Variants in CCDC138 observed in about 807,000 individuals in gnomAD.
CCDC138 encodes coiled-coil domain-containing protein 138.
In CCDC138, 66 loss-of-function variants were observed where a neutral mutation model predicts 82.3. The ratio of observed to expected loss-of-function variants is 0.80; its 90% CI spans 0.66 to 0.98. CCDC138 has a LOEUF of 0.98. Among genes scored for constraint, CCDC138 ranks in the 50% least tolerant of loss-of-function variants. The probability of loss-of-function intolerance (pLI) is 0.00; values close to 1 mark genes in which losing one functional copy is unlikely to be tolerated. For synonymous variants in CCDC138, 297 were observed against 265.4 expected (o/e 1.12, Z -1.16); for missense variants, 816 against 758.9 (o/e 1.08, Z -0.88).
chr2:108,863,019 A>G (rs1041763602), intron 13 of CCDC138, among the ~76,000 whole-genome samples: 7 of 152,214 alleles, frequency 4.6e-5, no homozygotes, highest in Non-Finnish European at 1.0e-4. Flanking sequence ...AACTTGTTCT[A>G]CACATCTAGA....
At chr2:108,788,335 G>A (rs866566329) in intron 2 of CCDC138, among the ~76,000 whole-genome samples, 2 of 151,990 alleles carry the variant, frequency 1.3e-5, no homozygotes, top group African/African-American at 4.8e-5. Flanking sequence ...CAGGAGAATC[G>A]GTTGAACCCG....
intron 13 of CCDC138, among the ~76,000 whole-genome samples, chr2:108,872,205 C>A (rs964955524): frequency 6.6e-6 from 1 of 152,154 alleles, no homozygotes; most frequent in Non-Finnish European, 1.5e-5. Context: ...AGAGTCTGAT[C>A]ATTTTCTCTT....
At chr2:108,849,618 A>G (rs777411064) in intron 12 of CCDC138, among the ~76,000 whole-genome samples, 1 of 152,172 alleles carries the variant, frequency 6.6e-6, no homozygotes, top group Non-Finnish European at 1.5e-5. Flanking sequence ...TTCCTGCCTA[A>G]CAGATACCCT....
At chr2:108,872,007 G>A (rs1202375888) in intron 13 of CCDC138, among the ~76,000 whole-genome samples, 1 of 151,968 alleles carries the variant, frequency 6.6e-6, no homozygotes. Flanking sequence ...TCTCTCACAC[G>A]TACTTTGCCC....
At position 108,866,640 on chromosome 2, in the gene CCDC138, T is replaced by A. The variant is rs532590935; in HGVS notation, c.1694-6811T>A. Among the ~76,000 whole-genome samples the A allele has an allele frequency of 2.0e-5, 3 of 152,272 alleles. No individual in the cohort carries two copies. The East Asian group carries it at 5.8e-4, about 29-fold the overall frequency. ...TGGCTCATGCCTGTAATCCCAGCAC[T>A]TTGGGAGGCTGAGGCAGGTGGATCA... On this transcript the variant is annotated intron_variant, in intron 13 of 14. Transcript: ENST00000295124.
chr2:108,848,707 A>G (rs1690910957), intron 12 of CCDC138, among the ~76,000 whole-genome samples: 1 of 152,224 alleles, frequency 6.6e-6, no homozygotes, highest in Admixed American at 6.5e-5. Flanking sequence ...AAACAGCAAC[A>G]CTGGGGCAGA....
chr2:108,818,911 T>G (rs940991759), intron 10 of CCDC138, among the ~76,000 whole-genome samples: 7 of 152,146 alleles, frequency 4.6e-5, no homozygotes, highest in African/African-American at 1.7e-4. Context: ...AGGAGTAAAT[T>G]TGATATACTG....
At chr2:108,804,227 G>A (rs1252729124) in intron 6 of CCDC138, among the ~76,000 whole-genome samples, 1 of 152,128 alleles carries the variant, frequency 6.6e-6, no homozygotes, top group Non-Finnish European at 1.5e-5. Context: ...TAAGTAAGTT[G>A]AAAGTGAAAG....
rs372585416 is a variant in CCDC138, at chr2:108,812,783, C to T, written c.934-37C>T. The T allele has an allele frequency of 2.2e-5, 36 of 1,611,376 alleles. No homozygotes were observed. The African/African-American group carries it at 3.7e-4, about 17-fold the overall frequency. On this transcript the variant is annotated intron_variant, in intron 8 of 14. Coordinates refer to ENST00000295124, the MANE Select transcript of CCDC138 (RefSeq NM_144978.3). The stretch of plus-strand genomic sequence containing the variant: ...ACCTTTGAGTTTACTCATTTAGATA[C>T]AATTGTTCTTTAATTCACGCATATA...
At chr2:108,877,843 A>G (rs1168201764), downstream of CCDC138, among the ~76,000 whole-genome samples, 2 of 152,246 alleles carry the variant, frequency 1.3e-5, no homozygotes, top group Non-Finnish European at 2.9e-5. Context: ...TCCTGGCCAA[A>G]TGGTAAGTTA....
downstream of CCDC138, among the ~76,000 whole-genome samples, chr2:108,876,797 A>G (rs183736676): frequency 6.6e-6 from 1 of 152,274 alleles, no homozygotes; most frequent in Admixed American, 6.5e-5. Context: ...TTTTGTTTTC[A>G]AAATAATTAT....
intron 14 of CCDC138, 40 bp downstream of exon 14, chr2:108,873,629 A>G (rs769176620): frequency 4.3e-5 from 61 of 1,418,200 alleles, no homozygotes; most frequent in Non-Finnish European, 5.8e-5. Flanking sequence ...ATTGAAAAAT[A>G]CCTTACTGTG....
chr2:108,846,907 T>C lies in CCDC138; in HGVS notation c.1493T>C (p.Ile498Thr). The C allele has an allele frequency of 2.5e-6, 4 of 1,608,636 alleles. No individual in the cohort carries two copies. The highest frequency in any genetic ancestry group is 3.4e-6 in the Non-Finnish European group (4 of 1,176,064). The change falls in exon 12 of 15, where the codon ATT becomes ACT. Residue 498 changes from isoleucine (I) to threonine (T), a missense_variant. Transcript: ENST00000295124. ...CCATTGAGATTTTTATCAACCTTAA[T>C]TGTTCTCAAAACAGTCACTCAAGGT... is the stretch of plus-strand genomic sequence containing the variant. The part of the protein sequence containing the change: ...NLPLRFLSTL[I>T]VLKTVTQADY...
intron 13 of CCDC138, among the ~76,000 whole-genome samples, chr2:108,860,935 C>CTT (rs70956282): frequency 0.041 from 1,549 of 37,796 alleles, 235 homozygotes; most frequent in African/African-American, 0.11. Context: ...TGGTCCAGGA[C>CTT]TTTTTTTTTT....
intron 13 of CCDC138, among the ~76,000 whole-genome samples, chr2:108,871,254 C>T (rs1468345029): frequency 6.6e-6 from 1 of 151,334 alleles, no homozygotes; most frequent in East Asian, 1.9e-4. Flanking sequence ...AGTTCCTAGC[C>T]AGGTGTGGTG....
rs1678854873 is a variant in CCDC138 at position 108,786,840 on chromosome 2, C to T, written c.18C>T (p.Val6=). ...TGTGTGCTATGGAGCCGAGGGTCGT[C>T]AAGCCACCGGGGCAGGATTTAGTAG... The part of the protein sequence containing the change: MEPRV[V]KPPGQDLVVE... Residue 6 remains valine, a synonymous_variant, in exon 1 of 15, where the codon GTC becomes GTT. Transcript: ENST00000295124. 3.1e-6 allele frequency: 5 copies of T among 1,592,508 alleles called. No homozygotes were observed. The East Asian group carries it at 6.9e-5, about 22-fold the overall frequency.
chr2:108,863,582 C>T (rs145643192), intron 13 of CCDC138, among the ~76,000 whole-genome samples: 1,605 of 152,250 alleles, frequency 0.011, 27 homozygotes, highest in African/African-American at 0.037. Flanking sequence ...ACTCCTAGAT[C>T]TTTTTCTTTC....
intron 6 of CCDC138, among the ~76,000 whole-genome samples, chr2:108,804,589 C>T (rs1682522918): frequency 6.6e-6 from 1 of 152,028 alleles, no homozygotes; most frequent in African/African-American, 2.4e-5. Context: ...AAAATATTTC[C>T]ATGAGTTTGT....
chr2:108,818,589 C>T (rs1685159275), intron 10 of CCDC138, among the ~76,000 whole-genome samples: 2 of 152,008 alleles, frequency 1.3e-5, no homozygotes, highest in South Asian at 4.1e-4. Flanking sequence ...TAAGTAGTAC[C>T]AGATTAACTA....
Sources: gnomAD v4.1 joint callset for allele counts (sites outside exome capture counted in the v4.1 genomes callset) on GRCh38, gnomAD v4.1.1 for gene constraint, MANE v1.5 for transcripts, NCBI Gene and HGNC (gene_info 2026-07-23, HGNC 2026-07-21) for gene names.